NPNT: variants seen among roughly 807,000 people sequenced by gnomAD.
The protein encoded by NPNT is nephronectin.
Under a neutral mutation model 68.6 loss-of-function variants are expected in NPNT, and 45 were observed. The observed-to-expected ratio is 0.66, with a 90% CI of 0.52 to 0.84. The LOEUF (loss-of-function observed/expected upper bound fraction) is 0.84, where lower values mean the gene tolerates loss of function less well. Ranked by LOEUF, NPNT falls within the 40% of genes least tolerant of loss-of-function variation. The probability of loss-of-function intolerance (pLI) is 0.00; values close to 1 mark genes in which losing one functional copy is unlikely to be tolerated. For synonymous variants in NPNT, 233 were observed against 253.3 expected (o/e 0.92, Z 0.76); for missense variants, 672 against 714.8 (o/e 0.94, Z 0.68).
chr4:105,905,914 C>G (rs1225875996), intron 2 of NPNT, among the ~76,000 whole-genome samples: 1 of 152,126 alleles, frequency 6.6e-6, no homozygotes, highest in Admixed American at 6.5e-5. Flanking sequence ...TCTGTTCAGT[C>G]ATCTTCTATT....
chr4:105,963,147 C>T (rs902340432), intron 10 of NPNT, among the ~76,000 whole-genome samples: 1 of 152,088 alleles, frequency 6.6e-6, no homozygotes. Flanking sequence ...ATCGCTTGAG[C>T]CTGGGAGGCA....
chr4:105,912,929 G>A (rs1310518283), intron 2 of NPNT, among the ~76,000 whole-genome samples: 2 of 152,208 alleles, frequency 1.3e-5, no homozygotes, highest in African/African-American at 4.8e-5. Context: ...GTGCGCTGGT[G>A]TGATCTTGGC....
At position 105,958,801 on chromosome 4, in the gene NPNT, G is replaced by A. The variant is rs1203253764; in HGVS notation, c.1247-227G>A. The A allele has an allele frequency of 5.5e-6, 3 of 546,760 alleles. No individual in the cohort carries two copies. The East Asian group carries it at 8.6e-5, about 16-fold the overall frequency. The allele number at this position is 546,760 out of a possible 1,614,324, so 33.9% of individuals were successfully genotyped here. A position where few individuals can be genotyped will look rare whatever the true frequency, so the allele number is the denominator to read the frequency against. On this transcript the variant is annotated intron_variant, in intron 9 of 11. Coordinates refer to ENST00000379987, the MANE Select transcript of NPNT (RefSeq NM_001033047.3). ...GAAATCATATTTTATAAGTGATGAT[G>A]TAACATTGTTATAATTTGGCAACAC...
At chr4:105,930,742 A>C (rs1181158293) in intron 3 of NPNT, among the ~76,000 whole-genome samples, 1 of 152,238 alleles carries the variant, frequency 6.6e-6, no homozygotes, top group East Asian at 1.9e-4. Flanking sequence ...ACTTTAAGAA[A>C]TAACCCCCAG....
At chr4:105,904,538 G>A (rs1726717084) in intron 2 of NPNT, among the ~76,000 whole-genome samples, 1 of 152,212 alleles carries the variant, frequency 6.6e-6, no homozygotes, top group Admixed American at 6.5e-5. Context: ...GCAATGGGCT[G>A]AAGCTAGGAG....
intron 11 of NPNT, among the ~76,000 whole-genome samples, chr4:105,967,906 G>C (rs1253537196): frequency 6.6e-6 from 1 of 150,376 alleles, no homozygotes; most frequent in Non-Finnish European, 1.5e-5. Context: ...TTTTTTCTTT[G>C]TTTCAGAGAT....
chr4:105,946,910 C>T (rs111587849), intron 8 of NPNT, among the ~76,000 whole-genome samples: 51 of 152,238 alleles, frequency 3.4e-4, no homozygotes, highest in African/African-American at 1.2e-3. Flanking sequence ...CTCAAACCTA[C>T]CAAGGTGGAG....
At chr4:105,933,452 A>G (rs1366679156) in intron 3 of NPNT, among the ~76,000 whole-genome samples, 1 of 152,200 alleles carries the variant, frequency 6.6e-6, no homozygotes, top group African/African-American at 2.4e-5. Context: ...ATTATTAATC[A>G]TTGTCTCTGC....
At chr4:105,946,947 T>C (rs1730436951) in intron 8 of NPNT, among the ~76,000 whole-genome samples, 1 of 152,052 alleles carries the variant, frequency 6.6e-6, no homozygotes, top group South Asian at 2.1e-4. Context: ...AGCCTGAGGG[T>C]ACTGCAAGAG....
intron 8 of NPNT, among the ~76,000 whole-genome samples, chr4:105,956,003 A>T (rs996565039): frequency 1.1e-4 from 17 of 152,148 alleles, no homozygotes; most frequent in African/African-American, 3.6e-4. Context: ...GTGGATTGTA[A>T]TGAAGGTATA....
chr4:105,918,858 G>A (rs1229638602), intron 2 of NPNT, among the ~76,000 whole-genome samples: 4 of 151,982 alleles, frequency 2.6e-5, no homozygotes, highest in Non-Finnish European at 5.9e-5. Flanking sequence ...CTTTATTTGG[G>A]TTTTCTCATT....
At chr4:105,959,229 T>G in intron 10 of NPNT, 103 bp downstream of exon 10, 1 of 713,528 alleles carries the variant, frequency 1.4e-6, no homozygotes, top group Non-Finnish European at 2.5e-6. Flanking sequence ...ATCTCTGTGT[T>G]TACTTGATAA....
intron 10 of NPNT, among the ~76,000 whole-genome samples, chr4:105,962,663 C>T (rs778205839): frequency 2.0e-5 from 3 of 151,910 alleles, no homozygotes; most frequent in Non-Finnish European, 2.9e-5. Flanking sequence ...AGGATTCTAG[C>T]TTGGAAAGAA....
At chr4:105,930,764 A>G (rs1051776674) in intron 3 of NPNT, among the ~76,000 whole-genome samples, 3 of 152,218 alleles carry the variant, frequency 2.0e-5, no homozygotes, top group Non-Finnish European at 2.9e-5. Flanking sequence ...AACTTGCATC[A>G]TGGTGTAAAC....
intron 3 of NPNT, among the ~76,000 whole-genome samples, chr4:105,936,728 G>A (rs1210566302): frequency 6.6e-6 from 1 of 152,138 alleles, no homozygotes; most frequent in South Asian, 2.1e-4. Flanking sequence ...GTATGCTGCT[G>A]TTTCTAGGGT....
chr4:105,897,873 A>G lies in NPNT; in HGVS notation c.72-28A>G, dbSNP rs767755585. 7 of 1,545,718 alleles carry G rather than the reference A, an allele frequency of 4.5e-6. No homozygotes were observed. In the East Asian group the frequency reaches 1.3e-4, roughly 30 times the overall value. ...TACCTTTCTTCTCAAAAGTGTCCTT[A>G]TTTATTTTGAATCTTTTTTTTTGGT... On this transcript the variant is annotated intron_variant, in intron 1 of 11. Coordinates refer to ENST00000379987, the MANE Select transcript of NPNT (RefSeq NM_001033047.3).
intron 2 of NPNT, among the ~76,000 whole-genome samples, chr4:105,921,493 A>G (rs947279973): frequency 1.3e-5 from 2 of 152,198 alleles, no homozygotes; most frequent in Non-Finnish European, 2.9e-5. Flanking sequence ...TCATGAGGGC[A>G]TTTAATGTGT....
In NPNT at chr4:105,942,524, T is replaced by TCCACCA; in HGVS notation, c.993_998dup (p.Pro332_Pro333dup). On this transcript the variant is annotated inframe_insertion, in exon 8 of 12. Transcript: ENST00000379987. ...CACCAAAGCCAACACCAATTCCTAC[T>TCCACCA]CCACCACCACCACCACCCCTGCCAA... 6.2e-7 allele frequency: 1 copy of TCCACCA among 1,613,294 alleles called. No homozygotes were observed. Among genetic ancestry groups the TCCACCA allele is most frequent in the Non-Finnish European group, 8.5e-7 (1 of 1,179,734 alleles).
rs539754894 is a variant in NPNT at position 105,933,737 on chromosome 4, A to AT, written c.266-3265dup. On this transcript the variant is annotated intron_variant, in intron 3 of 11. Coordinates refer to ENST00000379987, the MANE Select transcript of NPNT (RefSeq NM_001033047.3). ...TGTCTGCATGCTAATAAAATTTCTG[A>AT]TTTTTTTCCTGAAGTTTAATAATAA... Among the ~76,000 whole-genome samples the AT allele has an allele frequency of 3.8e-3, 579 of 152,148 alleles. 4 individuals carry two copies. Among genetic ancestry groups the AT allele is most frequent in the African/African-American group, 0.013 (553 of 41,510 alleles).
Sources: allele counts gnomAD v4.1 joint callset (sites outside exome capture counted in the v4.1 genomes callset), GRCh38; gene constraint gnomAD v4.1.1; transcripts MANE v1.5; gene names NCBI Gene and HGNC (gene_info 2026-07-23, HGNC 2026-07-21).